Variants in CNTNAP2 observed in about 807,000 individuals in gnomAD.
CNTNAP2 encodes the protein contactin associated protein 2, also known as contactin-associated protein-like 2.
A neutral mutation model predicts 155.2 loss-of-function variants in CNTNAP2; 98 were observed. That is an observed-to-expected ratio of 0.63 (90% CI 0.54 to 0.75). The LOEUF (loss-of-function observed/expected upper bound fraction) is 0.75, where lower values mean the gene tolerates loss of function less well. Ranked by LOEUF, CNTNAP2 falls within the 30% of genes least tolerant of loss-of-function variation. The pLI is 0.00. For missense variants in CNTNAP2, 1,727 were observed against 1,688.1 expected (o/e 1.02, Z -0.40); for synonymous variants, 651 against 631.2 (o/e 1.03, Z -0.47).
intron 8 of CNTNAP2, among the ~76,000 whole-genome samples, chr7:147,149,262 C>T (rs1801777878): frequency 6.6e-6 from 1 of 152,208 alleles, no homozygotes; most frequent in African/African-American, 2.4e-5. Flanking sequence ...GATGCATTTA[C>T]AATCCTTTAG....
intron 15 of CNTNAP2, among the ~76,000 whole-genome samples, chr7:148,045,690 G>A (rs187110622): frequency 1.4e-4 from 21 of 152,290 alleles, no homozygotes; most frequent in African/African-American, 5.1e-4. Context: ...TATTTACTGA[G>A]CGTCTAGCTT....
At position 147,906,672 on chromosome 7, in the gene CNTNAP2, C is replaced by T. The variant is rs548151116; in HGVS notation, c.2255+2951C>T. Among the ~76,000 whole-genome samples, 22 of 152,176 alleles carry T rather than the reference C, an allele frequency of 1.4e-4. No individual in the cohort carries two copies. The South Asian group carries it at 4.6e-3, about 32-fold the overall frequency. On this transcript the variant is annotated intron_variant, in intron 14 of 23. Transcript: ENST00000361727. ...TTGTGATTTCACCATGTTGGCCAGG[C>T]TGGTCTTGAACTCCTGACATCAAGT...
chr7:146,263,530 T>C (rs1274328052), intron 1 of CNTNAP2, among the ~76,000 whole-genome samples: 1 of 152,206 alleles, frequency 6.6e-6, no homozygotes, highest in Non-Finnish European at 1.5e-5. Context: ...GATTAGGCCT[T>C]ACATTTTCAA....
chr7:146,753,229 A>G (rs1057447668), intron 1 of CNTNAP2, among the ~76,000 whole-genome samples: 4 of 152,092 alleles, frequency 2.6e-5, no homozygotes, highest in African/African-American at 9.7e-5. Context: ...TCCATTGCAA[A>G]CACTGATTTA....
chr7:146,204,160 G>A (rs1798909353), intron 1 of CNTNAP2, among the ~76,000 whole-genome samples: 1 of 151,972 alleles, frequency 6.6e-6, no homozygotes, highest in Admixed American at 6.6e-5. Flanking sequence ...ACATCTCAGA[G>A]ATCTAAATTA....
chr7:146,748,011 C>CT (rs537203449), intron 1 of CNTNAP2, among the ~76,000 whole-genome samples: 13 of 147,952 alleles, frequency 8.8e-5, no homozygotes, highest in African/African-American at 3.2e-4. Context: ...GTCTTTTCTC[C>CT]TTTTTTTAAA....
At chr7:147,601,367 G>C (rs1213179465) in intron 12 of CNTNAP2, among the ~76,000 whole-genome samples, 5 of 151,944 alleles carry the variant, frequency 3.3e-5, no homozygotes, top group African/African-American at 1.2e-4. Context: ...TACAGTCAAA[G>C]GGGGTTGTTC....
chr7:146,695,055 C>A (rs1800759148), intron 1 of CNTNAP2, among the ~76,000 whole-genome samples: 1 of 152,092 alleles, frequency 6.6e-6, no homozygotes, highest in Admixed American at 6.6e-5. Context: ...TTAATTCTTT[C>A]TCCCCAGCCT....
chr7:148,321,965 G>T (rs750547916), intron 21 of CNTNAP2, among the ~76,000 whole-genome samples: 1 of 150,584 alleles, frequency 6.6e-6, no homozygotes, highest in African/African-American at 2.4e-5. Flanking sequence ...GTGCAATGGC[G>T]TGATCTCAGC....
chr7:147,890,162 A>G (rs1415503703), intron 13 of CNTNAP2, among the ~76,000 whole-genome samples: 1 of 152,254 alleles, frequency 6.6e-6, no homozygotes, highest in Non-Finnish European at 1.5e-5. Flanking sequence ...AGCCTGACCA[A>G]TGTGGTGAAA....
intron 1 of CNTNAP2, among the ~76,000 whole-genome samples, chr7:146,649,259 A>G (rs553915022): frequency 6.6e-6 from 1 of 152,228 alleles, no homozygotes; most frequent in South Asian, 2.1e-4. Flanking sequence ...ATTTAGCTGA[A>G]TACCTGGAGC....
At chr7:146,783,342 G>A (rs1802521690) in intron 2 of CNTNAP2, among the ~76,000 whole-genome samples, 1 of 152,102 alleles carries the variant, frequency 6.6e-6, no homozygotes, top group Non-Finnish European at 1.5e-5. Flanking sequence ...TTCTTCTGAA[G>A]ACCTCACAGA....
intron 18 of CNTNAP2, among the ~76,000 whole-genome samples, chr7:148,187,903 ACC>A (rs1795145284): frequency 6.6e-6 from 1 of 152,104 alleles, no homozygotes; most frequent in African/African-American, 2.4e-5. Flanking sequence ...ATAAAAATCA[ACC>A]ATATGAATAA....
At chr7:146,494,816 A>T (rs1797190223) in intron 1 of CNTNAP2, among the ~76,000 whole-genome samples, 1 of 152,246 alleles carries the variant, frequency 6.6e-6, no homozygotes, top group Non-Finnish European at 1.5e-5. Context: ...CAATTTGATT[A>T]ATATTTGTTT....
chr7:146,469,695 T>C lies in CNTNAP2; in HGVS notation c.98-304576T>C, dbSNP rs182399376. 1.6e-3 allele frequency among the ~76,000 whole-genome samples: 244 copies of C among 152,044 alleles called. 1 individual carries two copies. Among genetic ancestry groups the C allele is most frequent in the Non-Finnish European group, 2.9e-3 (200 of 67,970 alleles). Reference sequence around the variant, plus strand: ...CTGCTACCAGGCTTGGCTAATCATTTATTTTTATTTTTAGTGGAGACAGGT... The same window carrying C: ...CTGCTACCAGGCTTGGCTAATCATTCATTTTTATTTTTAGTGGAGACAGGT... On this transcript the variant is annotated intron_variant, in intron 1 of 23. Coordinates refer to ENST00000361727, the MANE Select transcript of CNTNAP2 (RefSeq NM_014141.6).
chr7:147,964,423 G>A (rs1364581268), intron 14 of CNTNAP2, among the ~76,000 whole-genome samples: 1 of 151,998 alleles, frequency 6.6e-6, no homozygotes, highest in African/African-American at 2.4e-5. Flanking sequence ...AATCCTCCAC[G>A]GATTTGTTTC....
intron 3 of CNTNAP2, among the ~76,000 whole-genome samples, chr7:146,972,999 G>T (rs1052216404): frequency 1.3e-5 from 2 of 152,050 alleles, no homozygotes; most frequent in Non-Finnish European, 2.9e-5. Flanking sequence ...TAAAAATTCA[G>T]TTTCTCAGTC....
chr7:148,012,898 G>T (rs976773255), intron 15 of CNTNAP2, among the ~76,000 whole-genome samples: 1 of 152,192 alleles, frequency 6.6e-6, no homozygotes, highest in African/African-American at 2.4e-5. Context: ...AATGTTGGTG[G>T]AGGTGGAGCT....
rs1423037352 is a variant in CNTNAP2 at position 148,418,707 on chromosome 7, A to G, written c.*3091A>G. On this transcript the variant is annotated 3_prime_UTR_variant, in exon 24 of 24. Transcript: ENST00000361727. ...GGCCCTTCTTAATATTTAAAAATGT[A>G]TTTCCCCTTGTGGCTTTCAACCACC... 6.6e-6 allele frequency: 1 copy of G among 152,180 alleles called. No homozygotes were observed. Among genetic ancestry groups the G allele is most frequent in the African/African-American group, 2.4e-5 (1 of 41,438 alleles). The allele number at this position is 152,180 out of a possible 1,614,324, so 9.4% of individuals were successfully genotyped here. A position where few individuals can be genotyped will look rare whatever the true frequency, so the allele number is the denominator to read the frequency against.
Sources: allele counts gnomAD v4.1 joint callset (sites outside exome capture counted in the v4.1 genomes callset), GRCh38; gene constraint gnomAD v4.1.1; transcripts MANE v1.5; gene names NCBI Gene and HGNC (gene_info 2026-07-23, HGNC 2026-07-21).